RNF213: variants seen among roughly 807,000 people sequenced by gnomAD.
The protein encoded by RNF213 is ring finger protein 213.
RNF213 carries 341 observed loss-of-function variants against 514.4 expected under a neutral mutation model. The ratio of observed to expected loss-of-function variants is 0.66; its 90% confidence interval spans 0.61 to 0.73. The LOEUF (loss-of-function observed/expected upper bound fraction) is 0.73. RNF213 is among the 30% of genes least tolerant of loss of function. The pLI, the probability that RNF213 is intolerant of heterozygous loss-of-function variation, is 0.00. For missense variants in RNF213, 5,767 were observed against 6,615.6 expected (o/e 0.87, Z 4.45); for synonymous variants, 2,655 against 2,658.2 (o/e 1.00, Z 0.04).
In RNF213 at chr17:80,363,122, G is replaced by T. The variant is rs1007166555; in HGVS notation, c.11376G>T (p.Trp3792Cys). Residue 3792 changes from tryptophan to cysteine, a missense_variant, in exon 40 of 68, where the codon TGG (tryptophan) becomes TGT (cysteine). Coordinates refer to ENST00000582970, the MANE Select transcript of RNF213 (RefSeq NM_001256071.3). ...EELKFLQMAL[W>C]SCTRKLKAAS... ...CCCAGTTTCTGCAGATGGCTCTGTG[G>T]TCCTGCACTAGGAAACTGAAAGCGG... The T allele has an allele frequency of 1.2e-5, 19 of 1,614,172 alleles. No individual in the cohort carries two copies. The highest frequency in any genetic ancestry group is 1.6e-5 in the Non-Finnish European group (19 of 1,180,032).
In RNF213 at chr17:80,345,823, C is replaced by T; in HGVS notation, c.7488C>T (p.Ser2496=). 1 of 1,614,096 alleles carries T rather than the reference C, an allele frequency of 6.2e-7. No individual in the cohort carries two copies. Among genetic ancestry groups the T allele is most frequent in the Non-Finnish European group, 8.5e-7 (1 of 1,180,024 alleles). The change falls in exon 29 of 68, where the codon AGC becomes AGT. Residue 2496 remains serine, a synonymous_variant. Transcript: ENST00000582970. This position sits in a 1 kb window ranked among gnomAD's most constrained non-coding sequence, Gnocchi z 6.0. ...AAGCCAACACAACGGAAGCTATAAG[C>T]TGTATCAAAGAAGTCCTGTGTGATC... ...FDEANTTEAI[S]CIKEVLCDHM...
intron 3 of RNF213, among the ~76,000 whole-genome samples, chr17:80,281,595 C>T (rs1189183584): frequency 3.3e-5 from 4 of 121,538 alleles, no homozygotes; most frequent in African/African-American, 1.2e-4. Flanking sequence ...ACACTGCCAA[C>T]ACACACAGCC....
chr17:80,316,885 G>C (rs138759764), intron 15 of RNF213, among the ~76,000 whole-genome samples: 3 of 152,360 alleles, frequency 2.0e-5, no homozygotes, highest in African/African-American at 4.8e-5. Flanking sequence ...CGACCTTTTT[G>C]AAAGTTCAAA....
rs376272385 is a variant in RNF213 at position 80,353,495 on chromosome 17, G to A, written c.10424-17G>A. The A allele has an allele frequency of 2.9e-5, 46 of 1,599,430 alleles. No individual in the cohort carries two copies. Among genetic ancestry groups the A allele is most frequent in the Admixed American group, 3.5e-5 (2 of 57,038 alleles). On this transcript the variant is annotated splice_polypyrimidine_tract_variant and intron_variant, in intron 33 of 67. Coordinates refer to ENST00000582970, the MANE Select transcript of RNF213 (RefSeq NM_001256071.3). The surrounding 1 kb of genome is among the most constrained non-coding windows in gnomAD (Gnocchi z 5.0). ...ACCTTCTGAGTGGTAACGCAATCAC[G>A]TTTGCTTCGACTGCAGTGGGCTTGG...
In RNF213 at chr17:80,343,996, C is replaced by G. The variant is rs140110990; in HGVS notation, c.6323C>G (p.Ser2108Trp). The G allele has an allele frequency of 2.5e-6, 4 of 1,614,180 alleles. No individual in the cohort carries two copies. The highest frequency in any genetic ancestry group is 3.4e-6 in the Non-Finnish European group (4 of 1,180,042). Reference sequence around the variant, plus strand: ...CTGGAAAGGAGGACGTCAGTGCCGTCGAGGAGCTCTTCAGCGCTGGTCTGT... The same window carrying G: ...CTGGAAAGGAGGACGTCAGTGCCGTGGAGGAGCTCTTCAGCGCTGGTCTGT... ...EILERRTSVP[S>W]RSSSALRTRV... Residue 2108 changes from serine to tryptophan, a missense_variant, in exon 28 of 68, where the codon TCG (serine) becomes TGG (tryptophan). Ser to Trp is a radical substitution (Grantham distance 177). Coordinates refer to ENST00000582970, the MANE Select transcript of RNF213 (RefSeq NM_001256071.3). This position sits in a 1 kb window ranked among gnomAD's most constrained non-coding sequence, Gnocchi z 4.3.
chr17:80,322,575 C>CA (rs201295176), intron 17 of RNF213, among the ~76,000 whole-genome samples: 96 of 147,902 alleles, frequency 6.5e-4, no homozygotes, highest in Admixed American at 1.1e-3. Flanking sequence ...GACTCTGTCT[C>CA]AAAAAAAAAA....
Position 80,371,970 on chromosome 17 carries a change from C to T in RNF213, c.12522C>T (p.Phe4174=). 1 of 1,575,198 alleles carries T rather than the reference C, an allele frequency of 6.3e-7. No homozygotes were observed. Among genetic ancestry groups the T allele is most frequent in the Non-Finnish European group, 8.7e-7 (1 of 1,144,542 alleles). ...ATAAAACTGAACTGTACATGCTCTT[C>T]ATCAACTGCCTGGAGGTAAGTGAAC... is the stretch of plus-strand genomic sequence containing the variant. ...TEDKTELYML[F]INCLEDSILE... The change falls in exon 47 of 68, where the codon TTC becomes TTT. Residue 4174 remains phenylalanine (F), a synonymous_variant. Coordinates refer to ENST00000582970, the MANE Select transcript of RNF213 (RefSeq NM_001256071.3).
intron 50 of RNF213, among the ~76,000 whole-genome samples, chr17:80,375,472 C>T (rs2079711724): frequency 6.6e-6 from 1 of 151,750 alleles, no homozygotes. Flanking sequence ...GAGGCCGAGG[C>T]ATGCAGATCA....
In RNF213 at chr17:80,295,748, C is replaced by G; in HGVS notation, c.1947C>G (p.Thr649=). 6.2e-7 allele frequency: 1 copy of G among 1,614,176 alleles called. No homozygotes were observed. The change falls in exon 10 of 68, where the codon ACC becomes ACG. Residue 649 remains threonine (T), a synonymous_variant. Coordinates refer to ENST00000582970, the MANE Select transcript of RNF213 (RefSeq NM_001256071.3). The stretch of plus-strand genomic sequence containing the variant: ...TGGACTGGTTGTGTCACCTCCTAAC[C>G]TCAGATGCCAGCTCACCAGATGAGT... ...GSLDWLCHLL[T]SDASSPDEFH... is the part of the protein sequence containing the mutation.
At chr17:80,362,253 C>G (rs1302479930) in intron 39 of RNF213, among the ~76,000 whole-genome samples, 5 of 152,150 alleles carry the variant, frequency 3.3e-5, no homozygotes, top group African/African-American at 1.2e-4. Flanking sequence ...GAAAGTCATA[C>G]TTTTGACTAC....
chr17:80,342,699 T>G (rs1032310332), intron 26 of RNF213, among the ~76,000 whole-genome samples: 2 of 146,562 alleles, frequency 1.4e-5, no homozygotes. Context: ...ACTATATATA[T>G]TCTATATATA....
chr17:80,294,657 G>C, intron 8 of RNF213, 63 bp from the exon 9 acceptor site: 2 of 1,584,960 alleles, frequency 1.3e-6, no homozygotes, highest in Non-Finnish European at 1.7e-6. Flanking sequence ...TTCTAGGCTA[G>C]TGTCTAGGTC....
chr17:80,345,991 G>C lies in RNF213; in HGVS notation c.7656G>C (p.Thr2552=), dbSNP rs752662991. Residue 2552 remains threonine, a synonymous_variant, in exon 29 of 68, where the codon ACG becomes ACC. Transcript: ENST00000582970. This position sits in a 1 kb window ranked among gnomAD's most constrained non-coding sequence, Gnocchi z 6.0. ...GCTACAGGGTTAGTATGGAGGAGAC[G>C]GCCGACAGGCTGGGCTCCATTCCTC... ...GLGYRVSMEE[T]ADRLGSIPLR... 6.2e-7 allele frequency: 1 copy of C among 1,614,178 alleles called. No individual in the cohort carries two copies. The highest frequency in any genetic ancestry group is 2.2e-5 in the East Asian group (1 of 44,882).
Position 80,343,385 on chromosome 17 carries a change from C to G in RNF213, c.6183+60C>G. 7.3e-7 allele frequency: 1 copy of G among 1,371,216 alleles called. No homozygotes were observed. Among genetic ancestry groups the G allele is most frequent in the Non-Finnish European group, 1.0e-6 (1 of 974,348 alleles). The allele number at this position is 1,371,216 out of a possible 1,614,324, so 84.9% of individuals were successfully genotyped here. A position where few individuals can be genotyped will look rare whatever the true frequency, so the allele number is the denominator to read the frequency against. ...CAGTAAAGACGTGGTCCCCATGTCTCTGCGTGACTCCTCCCCGTGTATAGA... is the reference window on the plus strand; with the variant it reads ...CAGTAAAGACGTGGTCCCCATGTCTGTGCGTGACTCCTCCCCGTGTATAGA... On this transcript the variant is annotated intron_variant, in intron 27 of 67. Transcript: ENST00000582970. The surrounding 1 kb of genome is among the most constrained non-coding windows in gnomAD (Gnocchi z 4.3).
At chr17:80,273,687 T>TC (rs892326863) in intron 3 of RNF213, among the ~76,000 whole-genome samples, 3 of 146,570 alleles carry the variant, frequency 2.0e-5, no homozygotes, top group African/African-American at 7.6e-5. Context: ...TGGTGCGATC[T>TC]CGGCTCGCTG....
rs367617075 is a variant in RNF213, at chr17:80,304,604, C to G, written c.2211-1648C>G. The stretch of plus-strand genomic sequence containing the variant: ...GCAGTGAGCCGAGATCACACCACTG[C>G]ACTCCAGCCAAGGCAACAGAGTGAG... On this transcript the variant is annotated intron_variant, in intron 11 of 67. Coordinates refer to ENST00000582970, the MANE Select transcript of RNF213 (RefSeq NM_001256071.3). 5.0e-3 allele frequency among the ~76,000 whole-genome samples: 763 copies of G among 152,134 alleles called. 7 individuals carry two copies. Among genetic ancestry groups the G allele is most frequent in the African/African-American group, 0.015 (602 of 41,490 alleles).
chr17:80,343,852 C>A lies in RNF213; in HGVS notation c.6184-5C>A. 1.9e-6 allele frequency: 3 copies of A among 1,614,128 alleles called. No homozygotes were observed. The highest frequency in any genetic ancestry group is 2.5e-6 in the Non-Finnish European group (3 of 1,179,990). The stretch of plus-strand genomic sequence containing the variant: ...TGTTTACACCTCGTGCGATTCTGTT[C>A]TTAGGTGCAGACTGGAATTTGGGTG... On this transcript the variant is annotated splice_polypyrimidine_tract_variant and splice_region_variant and intron_variant, in intron 27 of 67. Coordinates refer to ENST00000582970, the MANE Select transcript of RNF213 (RefSeq NM_001256071.3). The surrounding 1 kb of genome is among the most constrained non-coding windows in gnomAD (Gnocchi z 4.3).
intron 14 of RNF213, among the ~76,000 whole-genome samples, chr17:80,312,178 A>G (rs999562739): frequency 6.6e-6 from 1 of 152,098 alleles, no homozygotes; most frequent in African/African-American, 2.4e-5. Flanking sequence ...ACATTAATCC[A>G]GGACTGTGGG....
At chr17:80,307,058 C>G (rs1388570621) in intron 12 of RNF213, 70 bp from the exon 13 acceptor site, 1 of 1,499,448 alleles carries the variant, frequency 6.7e-7, no homozygotes, top group Non-Finnish European at 9.3e-7. Context: ...TTTTTCAGCT[C>G]TGTTTTAGCA....
Sources: gnomAD v4.1 joint callset for allele counts (sites outside exome capture counted in the v4.1 genomes callset) on GRCh38, gnomAD v4.1.1 for gene constraint, Gnocchi (gnomAD v3.1) non-coding constraint, MANE v1.5 for transcripts, NCBI Gene and HGNC (gene_info 2026-07-23, HGNC 2026-07-21) for gene names.